Variants in CDH7 observed in about 807,000 individuals in gnomAD.
CDH7 encodes cadherin 7.
A neutral mutation model predicts 71.8 loss-of-function variants in CDH7; 25 were observed. The ratio of observed to expected loss-of-function variants is 0.35; its 90% CI spans 0.25 to 0.49. The LOEUF (loss-of-function observed/expected upper bound fraction) is 0.49, where lower values mean the gene tolerates loss of function less well. Ranked by LOEUF, CDH7 falls within the 20% of genes least tolerant of loss-of-function variation. CDH7 has a pLI of 0.99. For missense variants in CDH7, 862 were observed against 974.6 expected (o/e 0.88, Z 1.54); for synonymous variants, 381 against 363.8 (o/e 1.05, Z -0.54).
intron 6 of CDH7, among the ~76,000 whole-genome samples, chr18:65,831,182 T>C (rs1912336583): frequency 6.6e-6 from 1 of 152,192 alleles, no homozygotes; most frequent in African/African-American, 2.4e-5. Context: ...CTTTCATTAA[T>C]GAGAGCTACA....
chr18:65,839,646 G>C (rs1912657431), intron 6 of CDH7, among the ~76,000 whole-genome samples: 1 of 152,168 alleles, frequency 6.6e-6, no homozygotes, highest in Non-Finnish European at 1.5e-5. Context: ...ATGTAAAAAA[G>C]TTTTATTACA....
chr18:65,811,642 A>G (rs1173590755), intron 3 of CDH7, among the ~76,000 whole-genome samples: 2 of 152,164 alleles, frequency 1.3e-5, no homozygotes, highest in Non-Finnish European at 2.9e-5. Context: ...TTTCCTCCCC[A>G]GATTAGTAAC....
At chr18:65,867,372 C>T (rs1175032833) in intron 11 of CDH7, among the ~76,000 whole-genome samples, 1 of 152,098 alleles carries the variant, frequency 6.6e-6, no homozygotes, top group Non-Finnish European at 1.5e-5. Context: ...CAACCCATAA[C>T]TAACATCAAT....
At chr18:65,823,007 C>G (rs995004683) in intron 5 of CDH7, among the ~76,000 whole-genome samples, 1 of 151,724 alleles carries the variant, frequency 6.6e-6, no homozygotes, top group African/African-American at 2.4e-5. Flanking sequence ...AGAGATTGTA[C>G]AGACCATAAT....
At chr18:65,772,677 A>G (rs188233253) in intron 2 of CDH7, among the ~76,000 whole-genome samples, 48 of 152,324 alleles carry the variant, frequency 3.2e-4, no homozygotes, top group Admixed American at 5.2e-4. Context: ...GAACTGCACT[A>G]TAGGACATAG....
At chr18:65,840,703 T>G (rs1031102958) in intron 6 of CDH7, among the ~76,000 whole-genome samples, 2 of 152,202 alleles carry the variant, frequency 1.3e-5, no homozygotes, top group African/African-American at 2.4e-5. Flanking sequence ...CTGTCATGGT[T>G]GTGAGACCTC....
chr18:65,849,276 A>C (rs1371063104), intron 7 of CDH7, among the ~76,000 whole-genome samples: 1 of 152,104 alleles, frequency 6.6e-6, no homozygotes, highest in Non-Finnish European at 1.5e-5. Flanking sequence ...TGTACTTACT[A>C]TCCAGAGATA....
At chr18:65,794,314 A>T (rs1013649582) in intron 2 of CDH7, among the ~76,000 whole-genome samples, 1 of 152,130 alleles carries the variant, frequency 6.6e-6, no homozygotes, top group African/African-American at 2.4e-5. Flanking sequence ...TCCAGAGAAG[A>T]ATAGCGATGT....
intron 1 of CDH7, among the ~76,000 whole-genome samples, chr18:65,760,075 G>T (rs1375864622): frequency 6.6e-6 from 1 of 152,054 alleles, no homozygotes; most frequent in East Asian, 1.9e-4. Flanking sequence ...ACATTCCAAT[G>T]AAAACTAACA....
intron 3 of CDH7, among the ~76,000 whole-genome samples, chr18:65,811,950 C>A (rs1911553203): frequency 8.2e-6 from 1 of 121,300 alleles, no homozygotes; most frequent in Admixed American, 9.2e-5. Context: ...TATCACAGTA[C>A]CTTTTCTTTT....
At chr18:65,826,939 T>G in intron 6 of CDH7, among the ~76,000 whole-genome samples, 1 of 151,634 alleles carries the variant, frequency 6.6e-6, no homozygotes, top group Non-Finnish European at 1.5e-5. Flanking sequence ...ATATTCTATT[T>G]AATAAATTAT....
At chr18:65,756,844 T>C (rs570780742) in intron 1 of CDH7, among the ~76,000 whole-genome samples, 1 of 152,348 alleles carries the variant, frequency 6.6e-6, no homozygotes, top group East Asian at 1.9e-4. Flanking sequence ...CTGTGTACTT[T>C]TTAAAAAAGC....
intron 2 of CDH7, among the ~76,000 whole-genome samples, chr18:65,798,702 A>G (rs11874008): frequency 0.058 from 8,743 of 152,042 alleles, 839 homozygotes; most frequent in African/African-American, 0.2. Flanking sequence ...CTTGAGCTAA[A>G]GGGAAAAGGA....
At chr18:65,784,908 A>T (rs1171230457) in intron 2 of CDH7, among the ~76,000 whole-genome samples, 1 of 152,146 alleles carries the variant, frequency 6.6e-6, no homozygotes, top group African/African-American at 2.4e-5. Flanking sequence ...GTGTTACATT[A>T]TACTTGGAGT....
At chr18:65,786,672 TTCTC>T (rs1003600390) in intron 2 of CDH7, among the ~76,000 whole-genome samples, 1 of 152,046 alleles carries the variant, frequency 6.6e-6, no homozygotes, top group African/African-American at 2.4e-5. Context: ...CTGCTTCTTT[TTCTC>T]TCTCTCTCTT....
chr18:65,788,949 T>G (rs913805408), intron 2 of CDH7, among the ~76,000 whole-genome samples: 3 of 152,182 alleles, frequency 2.0e-5, no homozygotes, highest in African/African-American at 7.2e-5. Context: ...TCTATAATGG[T>G]CCTATACAAA....
chr18:65,751,739 C>G (rs1915886262), intron 1 of CDH7, among the ~76,000 whole-genome samples: 1 of 152,156 alleles, frequency 6.6e-6, no homozygotes, highest in Non-Finnish European at 1.5e-5. Flanking sequence ...CATCCTGCGT[C>G]CCCTCCGCCT....
At chr18:65,784,516 A>G (rs542098757) in intron 2 of CDH7, among the ~76,000 whole-genome samples, 1 of 152,164 alleles carries the variant, frequency 6.6e-6, no homozygotes, top group Non-Finnish European at 1.5e-5. Context: ...GACCCACCAT[A>G]TAATTCCAGT....
chr18:65,777,728 T>C (rs1910002832), intron 2 of CDH7, among the ~76,000 whole-genome samples: 1 of 152,130 alleles, frequency 6.6e-6, no homozygotes, highest in African/African-American at 2.4e-5. Context: ...TTTTTAAATT[T>C]TAAAGAGTAT....
Sources: gnomAD v4.1 joint callset for allele counts (sites outside exome capture counted in the v4.1 genomes callset) on GRCh38, gnomAD v4.1.1 for gene constraint, MANE v1.5 for transcripts, NCBI Gene and HGNC (gene_info 2026-07-23, HGNC 2026-07-21) for gene names.